ZFPM1: variants seen among roughly 807,000 people sequenced by gnomAD.
ZFPM1 encodes the protein zinc finger protein ZFPM1.
In ZFPM1, 28 loss-of-function variants were observed where a neutral mutation model predicts 46.3. The observed-to-expected ratio is 0.60, with a 90% CI of 0.45 to 0.83. The LOEUF (loss-of-function observed/expected upper bound fraction) is 0.83. Ranked by LOEUF, ZFPM1 falls within the 40% of genes least tolerant of loss-of-function variation. ZFPM1 has a pLI of 0.00. For missense variants in ZFPM1, 1,878 were observed against 1,432.4 expected, an observed-to-expected ratio of 1.31 and a Z score of -5.02; for synonymous variants, 957 against 675.9, an observed-to-expected ratio of 1.42 and a Z score of -6.45.
chr16:88,519,938 G>GATGGATGGATGA (rs1293383013), intron 4 of ZFPM1, among the ~76,000 whole-genome samples: 1 of 144,060 alleles, frequency 6.9e-6, no homozygotes, highest in African/African-American at 2.5e-5. Flanking sequence ...TGGATGAGTG[G>GATGGATGGATGA]ATGGATGGAT....
intron 5 of ZFPM1, among the ~76,000 whole-genome samples, chr16:88,527,492 G>A (rs984763174): frequency 3.3e-5 from 5 of 152,126 alleles, no homozygotes; most frequent in African/African-American, 1.2e-4. Flanking sequence ...TGGCCCCAGT[G>A]CAGGGTGGGG....
intron 4 of ZFPM1, among the ~76,000 whole-genome samples, chr16:88,518,196 C>T (rs902766604): frequency 1.5e-4 from 23 of 148,898 alleles, no homozygotes; most frequent in Admixed American, 9.4e-4. Flanking sequence ...CAGAGCGAGA[C>T]TCCGTCTCAA....
upstream of ZFPM1, among the ~76,000 whole-genome samples, chr16:88,453,142 G>A (rs1434233233): frequency 2.0e-5 from 3 of 150,438 alleles, no homozygotes; most frequent in East Asian, 4.0e-4. Context: ...GCTGGCGGGG[G>A]CGTGGCCGCG....
At chr16:88,478,606 C>T (rs760881006) in intron 1 of ZFPM1, among the ~76,000 whole-genome samples, 1 of 152,254 alleles carries the variant, frequency 6.6e-6, no homozygotes, top group Non-Finnish European at 1.5e-5. Flanking sequence ...CCAGTCCAGC[C>T]GGTGAACCAG....
rs1038204160 is a variant in ZFPM1 at position 88,535,212 on chromosome 16, C to T, written c.*233C>T. The T allele has an allele frequency of 3.0e-5, 12 of 403,104 alleles. No homozygotes were observed. The highest frequency in any genetic ancestry group is 2.3e-4 in the African/African-American group (11 of 47,814). 25.0% of individuals were successfully genotyped at this position (403,104 alleles called of 1,614,324 possible). Reference sequence around the variant, plus strand: ...TCTCTGAGCCAGCAGGCACACGCAGCCAGTGTCACATCCAGCCCTGCTGTG... The same window carrying T: ...TCTCTGAGCCAGCAGGCACACGCAGTCAGTGTCACATCCAGCCCTGCTGTG... On this transcript the variant is annotated 3_prime_UTR_variant, in exon 10 of 10. Transcript: ENST00000319555.
chr16:88,531,285 C>G (rs12924015), intron 6 of ZFPM1, among the ~76,000 whole-genome samples: 15,122 of 152,212 alleles, frequency 0.099, 943 homozygotes, highest in East Asian at 0.34. Flanking sequence ...AAAGACAAAC[C>G]GAGAACACGC....
rs202186495 is a variant in ZFPM1 at position 88,534,836 on chromosome 16, C to T, written c.2878C>T (p.Pro960Ser). Residue 960 changes from proline to serine, a missense_variant, in exon 10 of 10, where the codon CCC becomes TCC. Coordinates refer to ENST00000319555, the MANE Select transcript of ZFPM1 (RefSeq NM_153813.3). Reference sequence around the variant, plus strand: ...CTACTCGGACAAGGGCGTCCAGACTCCCAGCAAGGGCACGCCGGCGCCGCT... The same window carrying T: ...CTACTCGGACAAGGGCGTCCAGACTTCCAGCAAGGGCACGCCGGCGCCGCT... ...PSYSDKGVQTPSKGTPAPLPN... is the reference protein window; with the variant it reads ...PSYSDKGVQTSSKGTPAPLPN... The T allele has an allele frequency of 1.1e-4, 166 of 1,552,992 alleles. 1 individual carries two copies. The highest frequency in any genetic ancestry group is 3.4e-4 in the Middle Eastern group (2 of 5,926).
chr16:88,478,771 G>T (rs1326657827), intron 1 of ZFPM1, among the ~76,000 whole-genome samples: 2 of 152,248 alleles, frequency 1.3e-5, no homozygotes, highest in African/African-American at 2.4e-5. Flanking sequence ...CGTAGAGGGG[G>T]CAGGGGGTGC....
At chr16:88,509,287 A>C (rs1910824516) in intron 3 of ZFPM1, among the ~76,000 whole-genome samples, 1 of 152,164 alleles carries the variant, frequency 6.6e-6, no homozygotes, top group African/African-American at 2.4e-5. Context: ...GCTCCCAACA[A>C]AGCTGGACCC....
At position 88,526,915 on chromosome 16, in the gene ZFPM1, G is replaced by C; in HGVS notation, c.504G>C (p.Lys168Asn). Residue 168 changes from lysine to asparagine, a missense_variant and splice_region_variant, in exon 5 of 10, where the codon AAG becomes AAC. Physicochemically the swap from Lys to Asn is moderately conservative, Grantham distance 94 (BLOSUM62 0). Coordinates refer to ENST00000319555, the MANE Select transcript of ZFPM1 (RefSeq NM_153813.3). The stretch of plus-strand genomic sequence containing the variant: ...AGGCCAACACAGAGATCCACAGGAA[G>C]GGTCAGTATGACGCGGCACCTCCGT... ...EAEANTEIHR[K>N]DDALWCRVTK... 6.4e-7 allele frequency: 1 copy of C among 1,569,894 alleles called. No individual in the cohort carries two copies. Among genetic ancestry groups the C allele is most frequent in the Non-Finnish European group, 8.6e-7 (1 of 1,157,324 alleles).
At chr16:88,453,171 G>T, upstream of ZFPM1, 1 of 149,634 alleles carries the variant, frequency 6.7e-6, no homozygotes, top group South Asian at 1.9e-4. Flanking sequence ...GGCGGAGCCG[G>T]AGAGGTGCAG....
chr16:88,469,629 C>T lies in ZFPM1; in HGVS notation c.40+15951C>T, dbSNP rs1011702243. ...TGCACAGTGGGTCTTGCTGGCAAGA[C>T]CAGGATGAGGCAGGCTCCGCCGGCC... On this transcript the variant is annotated intron_variant, in intron 1 of 9. Transcript: ENST00000319555. This position sits in a 1 kb window ranked among gnomAD's most constrained non-coding sequence, Gnocchi z 4.3. 6.6e-6 allele frequency among the ~76,000 whole-genome samples: 1 copy of T among 152,324 alleles called. No individual in the cohort carries two copies. Among genetic ancestry groups the T allele is most frequent in the Admixed American group, 6.5e-5 (1 of 15,306 alleles).
intron 7 of ZFPM1, 119 bp from the exon 8 acceptor site, chr16:88,532,495 C>A: frequency 9.2e-7 from 1 of 1,091,178 alleles, no homozygotes; most frequent in Non-Finnish European, 1.3e-6. Flanking sequence ...GGTTTAAAGA[C>A]CCTTCAGCAC....
At chr16:88,518,157 G>A (rs113481707) in intron 4 of ZFPM1, among the ~76,000 whole-genome samples, 12,728 of 151,712 alleles carry the variant, frequency 0.084, 1,163 homozygotes, top group African/African-American at 0.23. Flanking sequence ...GTAAGCCAAG[G>A]TGGCACCACT....
intron 3 of ZFPM1, among the ~76,000 whole-genome samples, chr16:88,496,748 C>A (rs1034546600): frequency 6.6e-6 from 1 of 152,154 alleles, no homozygotes; most frequent in Non-Finnish European, 1.5e-5. Context: ...GTCATGTACA[C>A]GGGGCTTGAG....
chr16:88,462,423 C>T (rs1370057246), intron 1 of ZFPM1, among the ~76,000 whole-genome samples: 4 of 152,236 alleles, frequency 2.6e-5, no homozygotes, highest in Admixed American at 6.5e-5. Flanking sequence ...CCATTTCGCA[C>T]GTGAGAAAAT....
At chr16:88,485,081 C>G (rs556582915) in intron 1 of ZFPM1, among the ~76,000 whole-genome samples, 1 of 152,320 alleles carries the variant, frequency 6.6e-6, no homozygotes, top group East Asian at 1.9e-4. Flanking sequence ...GTTCCCAGAC[C>G]GAGGGAATGA....
chr16:88,522,734 C>G (rs918899416), intron 4 of ZFPM1, among the ~76,000 whole-genome samples: 1 of 152,132 alleles, frequency 6.6e-6, no homozygotes, highest in African/African-American at 2.4e-5. Context: ...AGAGGAGGGA[C>G]AGGGCAACCC....
Position 88,498,247 on chromosome 16 carries a change from C to T in ZFPM1, c.268+9094C>T, listed in dbSNP as rs189189239. Among the ~76,000 whole-genome samples, 362 of 152,260 alleles carry T rather than the reference C, an allele frequency of 2.4e-3. 1 individual carries two copies. The highest frequency in any genetic ancestry group is 0.01 in the Middle Eastern group (3 of 294). The stretch of plus-strand genomic sequence containing the variant: ...CACTTCACAGCTGGGCAGAGGGGGC[C>T]CTGGGGAGCCCGAGACAGAACCCGA... On this transcript the variant is annotated intron_variant, in intron 3 of 9. Transcript: ENST00000319555.
Sources: gnomAD v4.1 joint callset for allele counts (sites outside exome capture counted in the v4.1 genomes callset) on GRCh38, gnomAD v4.1.1 for gene constraint, Gnocchi (gnomAD v3.1) non-coding constraint, MANE v1.5 for transcripts, NCBI Gene and HGNC (gene_info 2026-07-23, HGNC 2026-07-21) for gene names.